Variants in TUSC3 observed in about 807,000 individuals in gnomAD.
TUSC3 encodes tumor suppressor candidate 3.
Under a neutral mutation model 44.8 loss-of-function variants are expected in TUSC3, and 45 were observed. That is an observed-to-expected ratio of 1.00 (90% CI 0.79 to 1.29). The LOEUF (loss-of-function observed/expected upper bound fraction) is 1.29, where lower values mean the gene tolerates loss of function less well. Among genes scored for constraint, TUSC3 ranks in the 50% most tolerant of loss-of-function variants. The probability of loss-of-function intolerance (pLI) is 0.00; values close to 1 mark genes in which losing one functional copy is unlikely to be tolerated. For missense variants in TUSC3, 519 were observed against 437.9 expected, an observed-to-expected ratio of 1.19 and a Z score of -1.65; for synonymous variants, 212 against 152.9, an observed-to-expected ratio of 1.39 and a Z score of -2.85.
At chr8:15,466,638 G>A (rs868078568) in intron 1 of TUSC3, among the ~76,000 whole-genome samples, 3 of 152,274 alleles carry the variant, frequency 2.0e-5, no homozygotes, top group Middle Eastern at 6.8e-3. Context: ...CCAACTTAGA[G>A]AATGTCTCAA....
intron 1 of TUSC3, among the ~76,000 whole-genome samples, chr8:15,619,569 G>A (rs1265859594): frequency 6.6e-6 from 1 of 151,766 alleles, no homozygotes; most frequent in Non-Finnish European, 1.5e-5. Flanking sequence ...TCGGCTTACT[G>A]CAAGCTCCAC....
Position 15,577,794 on chromosome 8 carries a change from C to T in TUSC3, c.138+37226C>T, listed in dbSNP as rs796570575. Reference sequence around the variant, plus strand: ...TTGGCTTAGGATTGACTTGGCGATGCGGGCTCTTTTTTGGTTCCATATGAA... The same window carrying T: ...TTGGCTTAGGATTGACTTGGCGATGTGGGCTCTTTTTTGGTTCCATATGAA... On this transcript the variant is annotated intron_variant, in intron 1 of 10. Transcript: ENST00000503731. Among the ~76,000 whole-genome samples, 37 of 145,568 alleles carry T rather than the reference C, an allele frequency of 2.5e-4. 2 individuals carry two copies. In the East Asian group the frequency reaches 2.8e-3, roughly 11 times the overall value.
intron 2 of TUSC3, among the ~76,000 whole-genome samples, chr8:15,519,538 C>T (rs80058003): frequency 0.016 from 2,378 of 152,182 alleles, 16 homozygotes; most frequent in Non-Finnish European, 0.026. Context: ...CTGGGCTCCT[C>T]CTCCTAGATT....
chr8:15,757,786 G>C lies in TUSC3; in HGVS notation c.1029-5G>C, dbSNP rs778366754. 1.6e-5 allele frequency: 23 copies of C among 1,475,952 alleles called. No individual in the cohort carries two copies. The highest frequency in any genetic ancestry group is 1.9e-5 in the Non-Finnish European group (20 of 1,054,508). 91.4% of individuals were successfully genotyped at this position (1,475,952 alleles called of 1,614,324 possible). A position where few individuals can be genotyped will look rare whatever the true frequency, so the allele number is the denominator to read the frequency against. On this transcript the variant is annotated splice_region_variant and splice_polypyrimidine_tract_variant and intron_variant, in intron 9 of 10. Transcript: ENST00000503731. ...TGTTGTATTTCATTGTGGTGTATTG[G>C]AAAGTGATCTGGACTTTGAGTGAGA...
intron 1 of TUSC3, among the ~76,000 whole-genome samples, chr8:15,459,147 C>G (rs1483663473): frequency 6.6e-6 from 1 of 152,094 alleles, no homozygotes; most frequent in Non-Finnish European, 1.5e-5. Flanking sequence ...GCAAATATGA[C>G]AAAAGTGACA....
chr8:15,503,874 G>T (rs558656197), intron 2 of TUSC3, among the ~76,000 whole-genome samples: 4 of 151,926 alleles, frequency 2.6e-5, no homozygotes. Context: ...CCACAGCTGG[G>T]TGTGGTGGTG....
intron 1 of TUSC3, among the ~76,000 whole-genome samples, chr8:15,444,341 G>T (rs13259441): frequency 9.2e-5 from 14 of 151,962 alleles, no homozygotes; most frequent in East Asian, 1.9e-4. Context: ...TTTTGCAGTA[G>T]GGGTTACAGA....
the TUSC3 span, among the ~76,000 whole-genome samples, chr8:15,835,289 T>C: frequency 3.9e-5 from 6 of 152,186 alleles, no homozygotes; most frequent in Non-Finnish European, 8.8e-5. Flanking sequence ...TATGTCTCTG[T>C]TATTTTTCCT....
intron 1 of TUSC3, among the ~76,000 whole-genome samples, chr8:15,543,843 T>TA (rs1040711401): frequency 3.3e-5 from 5 of 152,038 alleles, no homozygotes; most frequent in African/African-American, 9.6e-5. Context: ...CAAATTCTCT[T>TA]ACGTTGTTTG....
intron 2 of TUSC3, among the ~76,000 whole-genome samples, chr8:15,492,459 AT>A (rs1800821906): frequency 6.6e-6 from 1 of 152,208 alleles, no homozygotes; most frequent in African/African-American, 2.4e-5. Context: ...AAAGTCACAA[AT>A]ATCCTCATTT....
At chr8:15,535,360 G>A (rs1801506681), upstream of TUSC3, among the ~76,000 whole-genome samples, 1 of 152,118 alleles carries the variant, frequency 6.6e-6, no homozygotes, top group Non-Finnish European at 1.5e-5. Flanking sequence ...ACAATCTTTG[G>A]AGTAAGGAGA....
At chr8:15,527,795 A>G (rs1220977788) in intron 2 of TUSC3, among the ~76,000 whole-genome samples, 1 of 152,218 alleles carries the variant, frequency 6.6e-6, no homozygotes, top group African/African-American at 2.4e-5. Flanking sequence ...TTATCAATAG[A>G]CAAAATAAGC....
intron 1 of TUSC3, among the ~76,000 whole-genome samples, chr8:15,422,302 A>G (rs949919206): frequency 2.0e-5 from 3 of 152,180 alleles, no homozygotes; most frequent in East Asian, 1.9e-4. Context: ...ATCCTATTCT[A>G]TTACATTATG....
the TUSC3 span, among the ~76,000 whole-genome samples, chr8:15,822,355 GTAT>G: frequency 6.6e-6 from 1 of 152,078 alleles, no homozygotes; most frequent in South Asian, 2.1e-4. Context: ...TTTACAGATG[GTAT>G]TATTAATAGT....
intron 1 of TUSC3, among the ~76,000 whole-genome samples, chr8:15,603,950 A>G (rs536513718): frequency 2.5e-4 from 38 of 151,778 alleles, no homozygotes; most frequent in African/African-American, 8.7e-4. Context: ...TTACTCATGA[A>G]TAATGATAAT....
intron 9 of TUSC3, among the ~76,000 whole-genome samples, chr8:15,754,450 G>T (rs1024987338): frequency 6.6e-6 from 1 of 152,126 alleles, no homozygotes; most frequent in Non-Finnish European, 1.5e-5. Context: ...TGCTAGTACA[G>T]ACACACATTC....
chr8:15,730,654 C>T lies in TUSC3; in HGVS notation c.799-12C>T, dbSNP rs370621869. ...TTCTCAGACTGTAATTTCTGTTTGTCTTCTTTTATAGAGCTACATTCATGG... is the reference window on the plus strand; with the variant it reads ...TTCTCAGACTGTAATTTCTGTTTGTTTTCTTTTATAGAGCTACATTCATGG... On this transcript the variant is annotated splice_polypyrimidine_tract_variant and intron_variant, in intron 6 of 10. Transcript: ENST00000503731. 2.5e-6 allele frequency: 4 copies of T among 1,612,192 alleles called. No homozygotes were observed. Among genetic ancestry groups the T allele is most frequent in the African/African-American group, 2.7e-5 (2 of 74,836 alleles).
the TUSC3 span, among the ~76,000 whole-genome samples, chr8:15,787,329 G>C: frequency 5.7e-4 from 86 of 152,164 alleles, no homozygotes; most frequent in Non-Finnish European, 9.9e-4. Context: ...TGTTAGGTTA[G>C]AATCAATCCT....
the TUSC3 span, among the ~76,000 whole-genome samples, chr8:15,836,248 G>A: frequency 1.5e-4 from 23 of 151,712 alleles, no homozygotes; most frequent in African/African-American, 5.6e-4. Flanking sequence ...GGCTAAGGTG[G>A]GTGGAATGCT....
Sources: gnomAD v4.1 joint callset for allele counts (sites outside exome capture counted in the v4.1 genomes callset) on GRCh38, gnomAD v4.1.1 for gene constraint, MANE v1.5 for transcripts, NCBI Gene and HGNC (gene_info 2026-07-23, HGNC 2026-07-21) for gene names.